MDGA2: variants seen among roughly 807,000 people sequenced by gnomAD.
MDGA2 encodes MAM domain-containing glycosylphosphatidylinositol anchor protein 2.
In MDGA2, 40 loss-of-function variants were observed where a neutral mutation model predicts 117.8. The ratio of observed to expected loss-of-function variants is 0.34; its 90% CI spans 0.26 to 0.44. The LOEUF is 0.44. MDGA2 is among the 20% of genes least tolerant of loss of function. The pLI, the probability that MDGA2 is intolerant of heterozygous loss-of-function variation, is 1.00. For missense variants in MDGA2, 1,123 were observed against 1,250.6 expected, an observed-to-expected ratio of 0.90 and a Z score of 1.54; for synonymous variants, 452 against 439.0, an observed-to-expected ratio of 1.03 and a Z score of -0.37.
intron 1 of MDGA2, among the ~76,000 whole-genome samples, chr14:47,513,570 T>C (rs1238338825): frequency 6.6e-6 from 1 of 152,088 alleles, no homozygotes; most frequent in Non-Finnish European, 1.5e-5. Flanking sequence ...TAATTTTATT[T>C]ACCCATTCTG....
chr14:47,638,726 C>G (rs2138240211), intron 1 of MDGA2, among the ~76,000 whole-genome samples: 1 of 152,300 alleles, frequency 6.6e-6, no homozygotes, highest in Non-Finnish European at 1.5e-5. Context: ...CAAGTGCCTT[C>G]TAACAGGCCT....
At chr14:47,035,392 T>G in intron 7 of MDGA2, 88 bp from the exon 8 acceptor site, 1 of 1,070,322 alleles carries the variant, frequency 9.3e-7, no homozygotes, top group Admixed American at 2.5e-5. Flanking sequence ...AAACAATTTC[T>G]GCTGGCTGAA....
intron 1 of MDGA2, among the ~76,000 whole-genome samples, chr14:47,654,662 T>C (rs1201653750): frequency 4.6e-5 from 7 of 152,018 alleles, no homozygotes; most frequent in Admixed American, 2.6e-4. Flanking sequence ...TCTCCACCTA[T>C]GAAGACAGTA....
intron 9 of MDGA2, among the ~76,000 whole-genome samples, chr14:46,941,669 A>G (rs933567154): frequency 2.6e-5 from 4 of 152,218 alleles, no homozygotes; most frequent in Non-Finnish European, 5.9e-5. Context: ...ATGTGCTAAG[A>G]GGTAAATAGG....
chr14:47,483,494 A>G (rs1893996076), intron 1 of MDGA2, among the ~76,000 whole-genome samples: 1 of 152,158 alleles, frequency 6.6e-6, no homozygotes, highest in African/African-American at 2.4e-5. Flanking sequence ...AGAGGCTTCA[A>G]TTTTAAGACT....
chr14:47,317,358 A>G (rs761425608), intron 1 of MDGA2, among the ~76,000 whole-genome samples: 13 of 152,102 alleles, frequency 8.5e-5, no homozygotes, highest in South Asian at 2.1e-4. Context: ...ATTTTGAGAA[A>G]CCTAAGGACT....
intron 5 of MDGA2, among the ~76,000 whole-genome samples, chr14:47,124,885 G>A (rs768183400): frequency 3.9e-5 from 6 of 152,118 alleles, no homozygotes; most frequent in Non-Finnish European, 8.8e-5. Flanking sequence ...ATGGCACCTT[G>A]TAAACTTTTG....
At chr14:47,022,708 A>C (rs2138591165) in intron 8 of MDGA2, among the ~76,000 whole-genome samples, 1 of 152,316 alleles carries the variant, frequency 6.6e-6, no homozygotes, top group Non-Finnish European at 1.5e-5. Context: ...AAGATTGTAA[A>C]GAGTGGGCTC....
At chr14:47,319,445 C>T (rs1054460397) in intron 1 of MDGA2, among the ~76,000 whole-genome samples, 4 of 152,102 alleles carry the variant, frequency 2.6e-5, no homozygotes, top group Admixed American at 6.6e-5. Context: ...TATGTTCCTC[C>T]TATTACATCA....
chr14:47,017,731 T>A (rs566967197), intron 8 of MDGA2, among the ~76,000 whole-genome samples: 1 of 152,054 alleles, frequency 6.6e-6, no homozygotes, highest in Non-Finnish European at 1.5e-5. Flanking sequence ...CTCTAGTGAG[T>A]GAAAAATATA....
At chr14:47,482,592 G>C (rs185482794) in intron 1 of MDGA2, among the ~76,000 whole-genome samples, 7 of 151,986 alleles carry the variant, frequency 4.6e-5, no homozygotes, top group African/African-American at 1.4e-4. Context: ...AAATTGAATT[G>C]AATCTAAATT....
intron 10 of MDGA2, among the ~76,000 whole-genome samples, chr14:46,891,490 A>G (rs1255000549): frequency 6.6e-6 from 1 of 151,490 alleles, no homozygotes; most frequent in Non-Finnish European, 1.5e-5. Context: ...TTTAACTTTC[A>G]GAGCACATTT....
intron 5 of MDGA2, among the ~76,000 whole-genome samples, chr14:47,127,736 C>T (rs972189348): frequency 3.3e-5 from 5 of 152,026 alleles, no homozygotes; most frequent in Admixed American, 6.6e-5. Flanking sequence ...AATAAAGTAT[C>T]TCTAGTACAG....
intron 14 of MDGA2, among the ~76,000 whole-genome samples, chr14:46,865,529 A>C (rs983007739): frequency 2.0e-5 from 3 of 152,156 alleles, no homozygotes; most frequent in African/African-American, 7.2e-5. Context: ...TAGTGTTGGA[A>C]GTTCTGGCCA....
At chr14:47,581,735 C>T (rs1286856919) in intron 1 of MDGA2, among the ~76,000 whole-genome samples, 2 of 151,798 alleles carry the variant, frequency 1.3e-5, no homozygotes, top group Non-Finnish European at 2.9e-5. Context: ...GGCCAATGGT[C>T]CCAAAATGAA....
At chr14:46,941,275 T>C (rs537939674) in intron 9 of MDGA2, among the ~76,000 whole-genome samples, 3 of 152,314 alleles carry the variant, frequency 2.0e-5, no homozygotes, top group African/African-American at 7.2e-5. Flanking sequence ...TAATGCTCAC[T>C]TAAGTAATGT....
chr14:47,399,638 T>C (rs1394411095), intron 1 of MDGA2, among the ~76,000 whole-genome samples: 1 of 150,040 alleles, frequency 6.7e-6, no homozygotes, highest in African/African-American at 2.4e-5. Context: ...TAGAGCAGAC[T>C]GAATAAATGC....
intron 7 of MDGA2, among the ~76,000 whole-genome samples, chr14:47,043,667 C>T (rs1889156810): frequency 6.6e-6 from 1 of 151,940 alleles, no homozygotes; most frequent in Non-Finnish European, 1.5e-5. Context: ...GGTCTAAATC[C>T]CACTGCTTGT....
At chr14:47,304,780 A>C (rs1173009114) in intron 1 of MDGA2, among the ~76,000 whole-genome samples, 1 of 152,126 alleles carries the variant, frequency 6.6e-6, no homozygotes, top group South Asian at 2.1e-4. Flanking sequence ...TCCAACTAAA[A>C]GTCCCATTTC....
Sources: gnomAD v4.1 joint callset for allele counts (sites outside exome capture counted in the v4.1 genomes callset) on GRCh38, gnomAD v4.1.1 for gene constraint, MANE v1.5 for transcripts, NCBI Gene and HGNC (gene_info 2026-07-23, HGNC 2026-07-21) for gene names.